Variants in ZNF207 observed in about 807,000 individuals in gnomAD.
The protein encoded by ZNF207 is zinc finger protein 207, also known as BUB3-interacting and GLEBS motif-containing protein ZNF207.
ZNF207 carries 24 observed loss-of-function variants against 60.2 expected under a neutral mutation model. The ratio of observed to expected loss-of-function variants is 0.40; its 90% CI spans 0.29 to 0.56. ZNF207 has a LOEUF of 0.56. ZNF207 is among the 20% of genes least tolerant of loss of function. ZNF207 has a pLI of 0.49. For synonymous variants in ZNF207, 236 were observed against 194.7 expected, an observed-to-expected ratio of 1.21 and a Z score of -1.77; for missense variants, 452 against 636.6, an observed-to-expected ratio of 0.71 and a Z score of 3.12.
chr17:32,361,339 A>G (rs1904871436), intron 5 of ZNF207, 129 bp from the exon 6 acceptor site: 1 of 683,882 alleles, frequency 1.5e-6, no homozygotes. Flanking sequence ...CAAAACTAAA[A>G]TGAATATGAG....
intron 2 of ZNF207, among the ~76,000 whole-genome samples, chr17:32,352,311 T>G (rs11650584): frequency 0.37 from 56,687 of 151,384 alleles, 11,580 homozygotes; most frequent in Non-Finnish European, 0.45. Flanking sequence ...GTAGTTTTGT[T>G]TTTTTTTTGT....
chr17:32,354,627 T>A (rs1408373293), intron 2 of ZNF207, among the ~76,000 whole-genome samples: 2 of 151,752 alleles, frequency 1.3e-5, no homozygotes, highest in Admixed American at 1.3e-4. Flanking sequence ...GACTTTTTTT[T>A]TTTTCTTGAG....
At chr17:32,364,250 G>C (rs902751187) in intron 7 of ZNF207, among the ~76,000 whole-genome samples, 1 of 151,932 alleles carries the variant, frequency 6.6e-6, no homozygotes, top group African/African-American at 2.4e-5. Context: ...GAGGGAACCT[G>C]GGAAATTAAG....
rs1031088919 is a variant in ZNF207 at position 32,371,031 on chromosome 17, T to C, written c.*1272T>C. The C allele has an allele frequency of 1.3e-5, 2 of 152,254 alleles. No individual in the cohort carries two copies. Among genetic ancestry groups the C allele is most frequent in the African/African-American group, 4.8e-5 (2 of 41,474 alleles). 9.4% of individuals were successfully genotyped at this position (152,254 alleles called of 1,614,324 possible). A position where few individuals can be genotyped will look rare whatever the true frequency, so the allele number is the denominator to read the frequency against. ...ATCCTTGGAAATTTTGAATGTTGTG[T>C]TCTTACAGAGAGCTTTTCTGTAGAG... On this transcript the variant is annotated 3_prime_UTR_variant, in exon 12 of 12. Coordinates refer to ENST00000394670, the MANE Select transcript of ZNF207 (RefSeq NM_001098507.2).
At chr17:32,351,386 T>C (rs1360909524) in intron 1 of ZNF207, 3 of 1,112,152 alleles carry the variant, frequency 2.7e-6, no homozygotes, top group Non-Finnish European at 3.4e-6. Flanking sequence ...CAGTTATTGC[T>C]ATCGTCTTCA....
chr17:32,356,503 T>C (rs1904513618), intron 2 of ZNF207, among the ~76,000 whole-genome samples: 2 of 152,206 alleles, frequency 1.3e-5, no homozygotes, highest in East Asian at 3.8e-4. Context: ...TTGATTTGCA[T>C]GCCCCAGTTT....
intron 7 of ZNF207, among the ~76,000 whole-genome samples, chr17:32,363,528 A>ATTT (rs1192049306): frequency 1.3e-5 from 1 of 79,016 alleles, no homozygotes; most frequent in African/African-American, 4.5e-5. Context: ...AATCCAACAA[A>ATTT]CTTTTTTTTT....
chr17:32,351,373 A>G, intron 1 of ZNF207: 1 of 994,694 alleles, frequency 1.0e-6, no homozygotes, highest in Non-Finnish European at 1.3e-6. Flanking sequence ...TAAATTCCTA[A>G]TCCAGTTATT....
chr17:32,368,043 G>A, intron 10 of ZNF207, 29 bp downstream of exon 10: 1 of 1,611,966 alleles, frequency 6.2e-7, no homozygotes, highest in East Asian at 2.2e-5. Flanking sequence ...TCTACGAGCA[G>A]CATTTGATTT....
At chr17:32,356,321 A>G (rs1445285200) in intron 2 of ZNF207, among the ~76,000 whole-genome samples, 6 of 152,158 alleles carry the variant, frequency 3.9e-5, no homozygotes, top group Non-Finnish European at 2.9e-5. Flanking sequence ...TGTGAATGTA[A>G]TTGTTTATAG....
rs770517618 is a variant in ZNF207, at chr17:32,371,210, G to GT, written c.*1453dup. On this transcript the variant is annotated 3_prime_UTR_variant, in exon 12 of 12. Coordinates refer to ENST00000394670, the MANE Select transcript of ZNF207 (RefSeq NM_001098507.2). ...CAAAGTATTAATATAATGAACTCAA[G>GT]TTGAGTTTTTCTCATTATAAAGTTA... 42 of 152,250 alleles carry GT rather than the reference G, an allele frequency of 2.8e-4. No individual in the cohort carries two copies. Among genetic ancestry groups the GT allele is most frequent in the South Asian group, 6.2e-4 (3 of 4,824 alleles). The allele number at this position is 152,250 out of a possible 1,614,324, so 9.4% of individuals were successfully genotyped here. A position where few individuals can be genotyped will look rare whatever the true frequency, so the allele number is the denominator to read the frequency against.
At chr17:32,367,286 A>ATATATATAT (rs1905245956) in intron 9 of ZNF207, among the ~76,000 whole-genome samples, 10 of 43,348 alleles carry the variant, frequency 2.3e-4, no homozygotes, top group African/African-American at 3.3e-4. Context: ...TATATATATA[A>ATATATATAT]AGAATACTAC....
At chr17:32,360,179 C>CG (rs1567818089) in intron 3 of ZNF207, among the ~76,000 whole-genome samples, 8 of 105,630 alleles carry the variant, frequency 7.6e-5, no homozygotes, top group Admixed American at 2.7e-4. Context: ...CACCTTTACC[C>CG]CCCCCCCAAA....
intron 2 of ZNF207, among the ~76,000 whole-genome samples, chr17:32,353,468 T>C (rs1597755446): frequency 6.6e-6 from 1 of 151,920 alleles, no homozygotes; most frequent in Non-Finnish European, 1.5e-5. Flanking sequence ...CCAGATACTT[T>C]AACAATAATT....
intron 7 of ZNF207, among the ~76,000 whole-genome samples, chr17:32,364,161 C>A (rs1905045323): frequency 6.6e-6 from 1 of 152,010 alleles, no homozygotes; most frequent in Admixed American, 6.6e-5. Flanking sequence ...TGAGCCTCAG[C>A]ACCTGGCCTC....
chr17:32,373,431 A>AGTGTT lies in ZNF207; in HGVS notation c.*3674_*3678dup, dbSNP rs1567830656. On this transcript the variant is annotated 3_prime_UTR_variant, in exon 12 of 12. Coordinates refer to ENST00000394670, the MANE Select transcript of ZNF207 (RefSeq NM_001098507.2). ...ATAGGACAGGCTGAGGCTGAGTCTC[A>AGTGTT]GTGTTGCCCTGTTCAGTCTGAGGCA... The AGTGTT allele has an allele frequency of 1.5e-6, 1 of 682,938 alleles. No individual in the cohort carries two copies. The highest frequency in any genetic ancestry group is 2.7e-5 in the East Asian group (1 of 37,014). The allele number at this position is 682,938 out of a possible 1,614,324, so 42.3% of individuals were successfully genotyped here.
chr17:32,362,331 A>C (rs1445774062), intron 6 of ZNF207, among the ~76,000 whole-genome samples: 2 of 152,006 alleles, frequency 1.3e-5, no homozygotes, highest in African/African-American at 4.8e-5. Flanking sequence ...AATGTTTAAA[A>C]TTTTTGCTTT....
intron 7 of ZNF207, 34 bp from the exon 8 acceptor site, chr17:32,365,296 T>C (rs1597785889): frequency 1.3e-6 from 2 of 1,587,390 alleles, no homozygotes. Context: ...AATTTTTCAG[T>C]GACTCAATTT....
intron 5 of ZNF207, 28 bp downstream of exon 5, chr17:32,360,995 A>T (rs748316714): frequency 6.2e-7 from 1 of 1,604,068 alleles, no homozygotes; most frequent in Non-Finnish European, 8.5e-7. Flanking sequence ...ATTGCCCTGT[A>T]GGCTTGTGCC....
Sources: gnomAD v4.1 joint callset for allele counts (sites outside exome capture counted in the v4.1 genomes callset) on GRCh38, gnomAD v4.1.1 for gene constraint, MANE v1.5 for transcripts, NCBI Gene and HGNC (gene_info 2026-07-23, HGNC 2026-07-21) for gene names.